VIRMA: variants seen among roughly 807,000 people sequenced by gnomAD.
The protein encoded by VIRMA is protein virilizer homolog.
VIRMA carries 65 observed loss-of-function variants against 182.4 expected under a neutral mutation model. That is an observed-to-expected ratio of 0.36 (90% CI 0.29 to 0.44). The LOEUF (loss-of-function observed/expected upper bound fraction) is 0.44. VIRMA is among the 20% of genes least tolerant of loss of function. The pLI, the probability that VIRMA is intolerant of heterozygous loss-of-function variation, is 1.00. For missense variants in VIRMA, 1,752 were observed against 2,158.1 expected (o/e 0.81, Z 3.73); for synonymous variants, 709 against 743.1 (o/e 0.95, Z 0.75).
intron 8 of VIRMA, among the ~76,000 whole-genome samples, chr8:94,522,589 T>C (rs773944299): frequency 3.3e-5 from 5 of 152,188 alleles, no homozygotes; most frequent in Non-Finnish European, 5.9e-5. Flanking sequence ...CTCCAATTGC[T>C]ACCCTGGCTA....
rs1252616950 is a variant in VIRMA at position 94,511,216 on chromosome 8, A to G, written c.3359T>C (p.Leu1120Pro). 6.2e-7 allele frequency: 1 copy of G among 1,614,012 alleles called. No individual in the cohort carries two copies. The highest frequency in any genetic ancestry group is 8.5e-7 in the Non-Finnish European group (1 of 1,180,016). ...TGTTTGCATGGGCAATGGAAGAGGC[A>G]GCAGCTCTGAAAGGAGTATGAGTCC... ...FSGLILLSEL[L>P]PLPLPMQTTQ... Residue 1120 changes from leucine to proline, a missense_variant, in exon 13 of 24, where the codon CTG becomes CCG. By Grantham distance (98) the Leu-to-Pro change is moderately conservative. Coordinates refer to ENST00000297591, the MANE Select transcript of VIRMA (RefSeq NM_015496.5).
intron 22 of VIRMA, among the ~76,000 whole-genome samples, chr8:94,491,140 C>A (rs545115538): frequency 7.7e-6 from 1 of 129,214 alleles, no homozygotes; most frequent in Non-Finnish European, 1.6e-5. Context: ...ACGGCGAAAA[C>A]CCATCTCTAC....
intron 19 of VIRMA, among the ~76,000 whole-genome samples, chr8:94,495,359 C>T (rs1813735092): frequency 6.6e-6 from 1 of 151,888 alleles, no homozygotes; most frequent in South Asian, 2.1e-4. Flanking sequence ...TTATTACTTT[C>T]TAAAGTATTA....
At chr8:94,526,164 C>T (rs1814954912) in intron 8 of VIRMA, 59 bp downstream of exon 8, 2 of 1,349,392 alleles carry the variant, frequency 1.5e-6, no homozygotes, top group African/African-American at 1.5e-5. Context: ...AAATCAACCA[C>T]ATAAAATTGT....
chr8:94,538,384 A>G, intron 2 of VIRMA, 38 bp from the exon 3 acceptor site: 1 of 1,232,732 alleles, frequency 8.1e-7, no homozygotes, highest in Non-Finnish European at 1.2e-6. Context: ...AGCCTTTGTA[A>G]CAAACACTTC....
Position 94,546,103 on chromosome 8 carries a change from C to T in VIRMA, c.64-2161G>A, listed in dbSNP as rs1273787373. On this transcript the variant is annotated intron_variant, in intron 1 of 23. Transcript: ENST00000297591. ...AAATTGCAAACATAGTTCATCATAG[C>T]TAGAGGGCAAAATAGCAAAACAGGG... Among the ~76,000 whole-genome samples the T allele has an allele frequency of 3.3e-5, 5 of 150,630 alleles. 1 individual carries two copies. Among genetic ancestry groups the T allele is most frequent in the African/African-American group, 1.2e-4 (5 of 40,254 alleles).
In VIRMA at chr8:94,512,017, A is replaced by G. The variant is rs762383321; in HGVS notation, c.2824T>C (p.Cys942Arg). 8 of 1,531,198 alleles carry G rather than the reference A, an allele frequency of 5.2e-6. No individual in the cohort carries two copies. The highest frequency in any genetic ancestry group is 1.8e-6 in the Non-Finnish European group (2 of 1,137,720). The allele number at this position is 1,531,198 out of a possible 1,614,324, so 94.9% of individuals were successfully genotyped here. A position where few individuals can be genotyped will look rare whatever the true frequency, so the allele number is the denominator to read the frequency against. The change falls in exon 12 of 24, where the codon TGC (cysteine) becomes CGC (arginine). Residue 942 changes from cysteine to arginine, a missense_variant. This residue lies in a region of VIRMA where 777 missense variants were observed against 920.6 expected (regional missense o/e 0.84). Transcript: ENST00000297591. The part of the protein sequence containing the change: ...TALRVLCNVA[C>R]PPPPVEGQQK... ...TTACCTTCAACAGGAGGTGGTGGGC[A>G]TGCAACATTACAGAGAACACGTAAG...
At chr8:94,492,322 C>T (rs537463989) in intron 21 of VIRMA, among the ~76,000 whole-genome samples, 19 of 146,102 alleles carry the variant, frequency 1.3e-4, no homozygotes, top group Non-Finnish European at 2.2e-4. Context: ...CTTGCTCTGT[C>T]GCCCAGGCTG....
In VIRMA at chr8:94,539,586, T is replaced by C. The variant is rs139782361; in HGVS notation, c.180-1240A>G. ...AATAACTATAATGTCTAGAGTACTA[T>C]CAAAGAGATTCCTGTATGCACTTCT... On this transcript the variant is annotated intron_variant, in intron 2 of 23. Coordinates refer to ENST00000297591, the MANE Select transcript of VIRMA (RefSeq NM_015496.5). Among the ~76,000 whole-genome samples, 675 of 152,292 alleles carry C rather than the reference T, an allele frequency of 4.4e-3. 5 individuals carry two copies. The highest frequency in any genetic ancestry group is 0.015 in the African/African-American group (632 of 41,550).
intron 6 of VIRMA, among the ~76,000 whole-genome samples, chr8:94,530,496 CAAAAA>C (rs35685716): frequency 1.3e-5 from 1 of 79,078 alleles, no homozygotes; most frequent in East Asian, 3.0e-4. Context: ...AAACCTGTCT[CAAAAA>C]AAAAAAAAAG....
chr8:94,530,289 G>C (rs1815121399), intron 6 of VIRMA, among the ~76,000 whole-genome samples: 1 of 152,058 alleles, frequency 6.6e-6, no homozygotes, highest in Non-Finnish European at 1.5e-5. Flanking sequence ...CAAGGCGGGA[G>C]GATCACTTGA....
intron 16 of VIRMA, among the ~76,000 whole-genome samples, chr8:94,505,501 CTCCCTCT>C (rs1814125009): frequency 6.6e-6 from 1 of 151,544 alleles, no homozygotes; most frequent in Non-Finnish European, 1.5e-5. Flanking sequence ...GAGACAAGGT[CTCCCTCT>C]GTTGCCCCGA....
At chr8:94,546,693 T>C in intron 1 of VIRMA, 1 of 322,958 alleles carries the variant, frequency 3.1e-6, no homozygotes, top group Non-Finnish European at 6.1e-6. Flanking sequence ...CAATATGTAG[T>C]CTTTTATCCC....
At chr8:94,551,026 C>T (rs563100210) in intron 1 of VIRMA, among the ~76,000 whole-genome samples, 2 of 152,240 alleles carry the variant, frequency 1.3e-5, no homozygotes, top group East Asian at 3.9e-4. Flanking sequence ...GGCCTAAAGT[C>T]TGTAATTCTT....
Position 94,527,309 on chromosome 8 carries a change from T to C in VIRMA, c.935A>G (p.Glu312Gly), listed in dbSNP as rs1815006563. 6.3e-7 allele frequency: 1 copy of C among 1,597,746 alleles called. No individual in the cohort carries two copies. The highest frequency in any genetic ancestry group is 1.1e-5 in the South Asian group (1 of 88,454). ...SSDEDGIADL[E>G]RETFKYPNFD... ...GTTTGGATACTTAAATGTTTCACGT[T>C]CCAAGTCAGCAATTCCATCTTCATC... Residue 312 changes from glutamate (E) to glycine (G), a missense_variant, in exon 8 of 24, where the codon GAA becomes GGA. By Grantham distance (98) the Glu-to-Gly change is moderately conservative. Transcript: ENST00000297591.
At chr8:94,536,115 C>T (rs1815334559) in intron 4 of VIRMA, among the ~76,000 whole-genome samples, 1 of 152,168 alleles carries the variant, frequency 6.6e-6, no homozygotes, top group East Asian at 1.9e-4. Context: ...GTTACCGGGG[C>T]CCCTTCTGGA....
chr8:94,526,306 G>C lies in VIRMA; in HGVS notation c.1938C>G (p.Ile646Met). The change falls in exon 8 of 24, where the codon ATC (isoleucine) becomes ATG (methionine). Residue 646 changes from isoleucine to methionine, a missense_variant. Ile to Met is a conservative substitution (Grantham distance 10). This residue lies in a region of VIRMA where 401 missense variants were observed against 455.1 expected (regional missense o/e 0.88). Coordinates refer to ENST00000297591, the MANE Select transcript of VIRMA (RefSeq NM_015496.5). The part of the protein sequence containing the change: ...HLMETAPHTM[I>M]QQPVKSFPTM... ...TTGGGAAAGACTTAACAGGTTGTTG[G>C]ATCATTGTATGAGGGGCAGTTTCCA... The C allele has an allele frequency of 6.2e-7, 1 of 1,614,004 alleles. No homozygotes were observed. The highest frequency in any genetic ancestry group is 8.5e-7 in the Non-Finnish European group (1 of 1,179,882).
At chr8:94,509,623 A>AATAC (rs1274184354) in intron 15 of VIRMA, 65 bp downstream of exon 15, 2 of 1,408,368 alleles carry the variant, frequency 1.4e-6, no homozygotes, top group Non-Finnish European at 1.9e-6. Flanking sequence ...AAGATGCTTA[A>AATAC]ATACACACAC....
Position 94,488,643 on chromosome 8 carries a change from T to A in VIRMA, c.*63A>T. On this transcript the variant is annotated 3_prime_UTR_variant, in exon 24 of 24. Coordinates refer to ENST00000297591, the MANE Select transcript of VIRMA (RefSeq NM_015496.5). ...TGCTAAGTCTAAATTGGTCCTTCAATGTCTTATTTTTATTGTCCTCGTGAA... is the reference window on the plus strand; with the variant it reads ...TGCTAAGTCTAAATTGGTCCTTCAAAGTCTTATTTTTATTGTCCTCGTGAA... The A allele has an allele frequency of 6.6e-7, 1 of 1,506,670 alleles. No homozygotes were observed. Among genetic ancestry groups the A allele is most frequent in the Admixed American group, 1.8e-5 (1 of 57,022 alleles). 93.3% of individuals were successfully genotyped at this position (1,506,670 alleles called of 1,614,324 possible).
Sources: gnomAD v4.1 joint callset for allele counts (sites outside exome capture counted in the v4.1 genomes callset) on GRCh38, gnomAD v4.1.1 for gene constraint, gnomAD v4.1.1 regional missense constraint, MANE v1.5 for transcripts, NCBI Gene and HGNC (gene_info 2026-07-23, HGNC 2026-07-21) for gene names.